Variants in ZNF131 observed in about 807,000 individuals in gnomAD.
ZNF131 encodes the protein zinc finger and BTB domain containing 35, also known as zinc finger protein 131.
In ZNF131, 7 loss-of-function variants were observed where a neutral mutation model predicts 60.0. The ratio of observed to expected loss-of-function variants is 0.12; its 90% CI spans 0.07 to 0.22. The LOEUF is 0.22. Ranked by LOEUF, ZNF131 falls within the 10% of genes least tolerant of loss-of-function variation. ZNF131 has a pLI of 1.00. For missense variants in ZNF131, 493 were observed against 740.9 expected (o/e 0.67, Z 3.88); for synonymous variants, 257 against 253.2 (o/e 1.01, Z -0.14).
chr5:43,168,539 AAG>A (rs1426080129), intron 5 of ZNF131, among the ~76,000 whole-genome samples: 1 of 152,216 alleles, frequency 6.6e-6, no homozygotes, highest in East Asian at 1.9e-4. Flanking sequence ...AAGGGTAAGA[AAG>A]AGGGAGAGTA....
chr5:43,153,783 A>G (rs1463257587), intron 4 of ZNF131, among the ~76,000 whole-genome samples: 2 of 152,198 alleles, frequency 1.3e-5, no homozygotes, highest in Admixed American at 1.3e-4. Context: ...GGACAGCTAA[A>G]TTCAGTGATC....
chr5:43,167,578 G>A (rs1189224985), intron 5 of ZNF131, among the ~76,000 whole-genome samples: 1 of 152,096 alleles, frequency 6.6e-6, no homozygotes, highest in African/African-American at 2.4e-5. Context: ...CATAAAGCAT[G>A]CACTGTAATC....
intron 4 of ZNF131, among the ~76,000 whole-genome samples, chr5:43,153,048 A>G (rs1183786828): frequency 6.6e-6 from 1 of 152,166 alleles, no homozygotes; most frequent in Non-Finnish European, 1.5e-5. Flanking sequence ...TTCATCTGGT[A>G]AGGTCAGGTA....
At chr5:43,173,157 A>AAAATT in intron 5 of ZNF131, 161 bp from the exon 6 acceptor site, 1 of 680,666 alleles carries the variant, frequency 1.5e-6, no homozygotes, top group Non-Finnish European at 2.3e-6. Context: ...CCTCTAGAAA[A>AAAATT]GTCTTTGGAA....
chr5:43,123,725 G>A (rs1226830461), intron 3 of ZNF131: 1 of 155,462 alleles, frequency 6.4e-6, no homozygotes, highest in Non-Finnish European at 1.4e-5. Context: ...AAGTAGTGAT[G>A]TATTAGCAGA....
intron 5 of ZNF131, among the ~76,000 whole-genome samples, chr5:43,167,553 G>A (rs1456190187): frequency 6.6e-6 from 1 of 152,032 alleles, no homozygotes; most frequent in African/African-American, 2.4e-5. Flanking sequence ...TTAATGGTTT[G>A]GTTTCTTGTA....
chr5:43,129,303 C>T (rs1561389788), intron 3 of ZNF131, among the ~76,000 whole-genome samples: 3 of 152,100 alleles, frequency 2.0e-5, no homozygotes, highest in Admixed American at 6.5e-5. Flanking sequence ...AACTACCAGC[C>T]TTAAGCAATG....
At chr5:43,156,529 G>T (rs1748983883) in intron 4 of ZNF131, among the ~76,000 whole-genome samples, 1 of 152,226 alleles carries the variant, frequency 6.6e-6, no homozygotes, top group Admixed American at 6.5e-5. Flanking sequence ...AAGCAGCACA[G>T]AAGCTGCACG....
At chr5:43,130,327 C>CA (rs1323210675) in intron 3 of ZNF131, among the ~76,000 whole-genome samples, 1 of 141,430 alleles carries the variant, frequency 7.1e-6, no homozygotes, top group Non-Finnish European at 1.5e-5. Flanking sequence ...AAGACAGAAT[C>CA]AAAAAGTTCT....
chr5:43,143,898 C>CATTTTTTTTTTTT (rs1747189766), intron 4 of ZNF131, among the ~76,000 whole-genome samples: 1 of 34,974 alleles, frequency 2.9e-5, no homozygotes, highest in South Asian at 1.2e-3. Context: ...ATTGTCAGAG[C>CATTTTTTTTTTTT]TTTTTTTTTT....
chr5:43,173,152 A>G (rs1447824940), intron 5 of ZNF131, 166 bp from the exon 6 acceptor site: 2 of 646,330 alleles, frequency 3.1e-6, no homozygotes, highest in Non-Finnish European at 4.9e-6. Context: ...TGCTACCTCT[A>G]GAAAAGTCTT....
At position 43,161,781 on chromosome 5, in the gene ZNF131, G is replaced by A. The variant is rs770687008; in HGVS notation, c.904G>A (p.Ala302Thr). ...CAATAAACGATATCTTCGAGAGAGC[G>A]CATGGAAACAGCACCTAAATTGTTA... The part of the protein sequence containing the change: ...ICNKRYLRES[A>T]WKQHLNCYHL... Residue 302 changes from alanine (A) to threonine (T), a missense_variant, in exon 5 of 7, where the codon GCA becomes ACA. Coordinates refer to ENST00000682664, the MANE Select transcript of ZNF131 (RefSeq NM_001330707.2). 8.1e-6 allele frequency: 13 copies of A among 1,614,062 alleles called. No individual in the cohort carries two copies. The highest frequency in any genetic ancestry group is 1.7e-5 in the Admixed American group (1 of 60,010).
intron 5 of ZNF131, among the ~76,000 whole-genome samples, chr5:43,166,962 C>CA (rs1241830212): frequency 2.0e-5 from 3 of 152,310 alleles, no homozygotes; most frequent in East Asian, 3.9e-4. Context: ...CCGGGTGAGA[C>CA]ACGTGACTTT....
At chr5:43,165,905 T>C (rs942029263) in intron 5 of ZNF131, among the ~76,000 whole-genome samples, 3 of 152,264 alleles carry the variant, frequency 2.0e-5, no homozygotes, top group African/African-American at 4.8e-5. Context: ...ATCAGTGATC[T>C]TAACTAGGTA....
chr5:43,131,125 A>G (rs1745294317), intron 3 of ZNF131, among the ~76,000 whole-genome samples: 1 of 152,032 alleles, frequency 6.6e-6, no homozygotes, highest in Non-Finnish European at 1.5e-5. Context: ...TTGGCCTCCC[A>G]GAGTGCTGGG....
At chr5:43,163,349 ATC>A (rs1262917337) in intron 5 of ZNF131, among the ~76,000 whole-genome samples, 1 of 152,136 alleles carries the variant, frequency 6.6e-6, no homozygotes, top group Non-Finnish European at 1.5e-5. Flanking sequence ...GTATATGTTC[ATC>A]TCTCTCCACC....
chr5:43,121,357 G>A (rs556296780), intron 1 of ZNF131, among the ~76,000 whole-genome samples: 2 of 152,332 alleles, frequency 1.3e-5, no homozygotes, highest in African/African-American at 2.4e-5. Flanking sequence ...ACCGCTGCCC[G>A]GTTTCTTCTC....
At position 43,139,252 on chromosome 5, in the gene ZNF131, T is replaced by A; in HGVS notation, c.314T>A (p.Val105Glu). 1 of 1,612,980 alleles carries A rather than the reference T, an allele frequency of 6.2e-7. No individual in the cohort carries two copies. The highest frequency in any genetic ancestry group is 8.5e-7 in the Non-Finnish European group (1 of 1,179,562). ...MIQGEEEANDVWKAAEFLQML... is the reference protein window; with the variant it reads ...MIQGEEEANDEWKAAEFLQML... ...CAAGGAGAAGAAGAAGCCAATGATG[T>A]ATGGAAAGCAGCAGAGTTTCTACAA... The change falls in exon 4 of 7, where the codon GTA becomes GAA. Residue 105 changes from valine to glutamate, a missense_variant. Coordinates refer to ENST00000682664, the MANE Select transcript of ZNF131 (RefSeq NM_001330707.2).
Position 43,175,382 on chromosome 5 carries a change from A to G in ZNF131, c.*249A>G. ...ATTTCTGGAAACTTAAATGGATTAT[A>G]TTCTTATTATATAGTTGGGTACGAA... On this transcript the variant is annotated 3_prime_UTR_variant, in exon 7 of 7. Transcript: ENST00000682664. The G allele has an allele frequency of 2.9e-6, 2 of 684,594 alleles. No homozygotes were observed. Among genetic ancestry groups the G allele is most frequent in the Non-Finnish European group, 5.2e-6 (2 of 382,094 alleles). 42.4% of individuals were successfully genotyped at this position (684,594 alleles called of 1,614,324 possible). A position where few individuals can be genotyped will look rare whatever the true frequency, so the allele number is the denominator to read the frequency against.
Sources: allele counts gnomAD v4.1 joint callset (sites outside exome capture counted in the v4.1 genomes callset), GRCh38; gene constraint gnomAD v4.1.1; transcripts MANE v1.5; gene names NCBI Gene and HGNC (gene_info 2026-07-23, HGNC 2026-07-21).